Variants in TBC1D22B observed in about 807,000 individuals in gnomAD.
The protein encoded by TBC1D22B is TBC1 domain family member 22B, also known as chromosome 6 open reading frame 197.
A neutral mutation model predicts 69.1 loss-of-function variants in TBC1D22B; 32 were observed. The ratio of observed to expected loss-of-function variants is 0.46; its 90% CI spans 0.35 to 0.62. The LOEUF is 0.62. TBC1D22B is among the 20% of genes least tolerant of loss of function. The pLI is 0.00. For synonymous variants in TBC1D22B, 206 were observed against 229.8 expected, an observed-to-expected ratio of 0.90 and a Z score of 0.94; for missense variants, 462 against 630.9, an observed-to-expected ratio of 0.73 and a Z score of 2.87.
chr6:37,268,771 C>T (rs745419203), intron 1 of TBC1D22B, among the ~76,000 whole-genome samples: 1 of 152,130 alleles, frequency 6.6e-6, no homozygotes, highest in Non-Finnish European at 1.5e-5. Flanking sequence ...TTTTTGAAGT[C>T]TATATAAGTC....
intron 12 of TBC1D22B, among the ~76,000 whole-genome samples, chr6:37,321,036 G>A (rs932592592): frequency 4.6e-5 from 7 of 152,156 alleles, no homozygotes; most frequent in Non-Finnish European, 7.3e-5. Context: ...TTGAATATTG[G>A]CAATTTCGTG....
chr6:37,322,376 G>T lies in TBC1D22B; in HGVS notation c.1389+5170G>T, dbSNP rs768872529. Among the ~76,000 whole-genome samples, 6 of 152,306 alleles carry T rather than the reference G, an allele frequency of 3.9e-5. No homozygotes were observed. In the East Asian group the frequency reaches 1.2e-3, roughly 29 times the overall value. On this transcript the variant is annotated intron_variant, in intron 12 of 12. Transcript: ENST00000373491. ...AACGTGGTGAAACTCCGTCAGCCAG[G>T]TGTGATGGCACACACCTGTAATCCC... is the stretch of plus-strand genomic sequence containing the variant.
intron 1 of TBC1D22B, among the ~76,000 whole-genome samples, chr6:37,267,558 TATAC>T (rs1258892174): frequency 1.5e-4 from 22 of 145,734 alleles, no homozygotes; most frequent in Admixed American, 3.5e-4. Flanking sequence ...CACATATATA[TATAC>T]ACACACACAT....
chr6:37,284,507 C>A, intron 6 of TBC1D22B, 43 bp downstream of exon 6: 2 of 1,524,870 alleles, frequency 1.3e-6, no homozygotes, highest in Non-Finnish European at 1.8e-6. Context: ...CAGTCATATA[C>A]TTTAGGTATG....
At chr6:37,327,274 C>T (rs570818213) in intron 12 of TBC1D22B, among the ~76,000 whole-genome samples, 7 of 98,910 alleles carry the variant, frequency 7.1e-5, no homozygotes, top group African/African-American at 1.1e-4. Context: ...GTCAGGAGAT[C>T]GAGACCATCC....
intron 6 of TBC1D22B, among the ~76,000 whole-genome samples, chr6:37,286,551 A>G (rs1394248576): frequency 1.3e-5 from 2 of 151,630 alleles, no homozygotes; most frequent in South Asian, 2.1e-4. Context: ...TCCTGACCTC[A>G]TGATCCGCCC....
In TBC1D22B at chr6:37,327,409, C is replaced by T. The variant is rs374164343; in HGVS notation, c.1390-3635C>T. Among the ~76,000 whole-genome samples the T allele has an allele frequency of 1.7e-3, 128 of 77,072 alleles. 3 individuals carry two copies. The East Asian group carries it at 0.034, about 20-fold the overall frequency. 50.6% of individuals were successfully genotyped at this position (77,072 alleles called of 152,430 possible). On this transcript the variant is annotated intron_variant, in intron 12 of 12. Transcript: ENST00000373491. ...AGGAGAATGGCGTGAACCCGGGAGG[C>T]GGAGCTTGCAGTGAGCCGAGATCGT...
chr6:37,258,414 A>G (rs1426982785), intron 1 of TBC1D22B, among the ~76,000 whole-genome samples: 1 of 152,128 alleles, frequency 6.6e-6, no homozygotes, highest in Non-Finnish European at 1.5e-5. Flanking sequence ...ACTTACCCGA[A>G]GGATTCCGGT....
At chr6:37,322,882 G>T (rs533019876) in intron 12 of TBC1D22B, among the ~76,000 whole-genome samples, 1 of 152,324 alleles carries the variant, frequency 6.6e-6, no homozygotes, top group South Asian at 2.1e-4. Context: ...CACTGCACGT[G>T]TAGACGAGCA....
intron 7 of TBC1D22B, 26 bp from the exon 8 acceptor site, chr6:37,291,217 C>T (rs755170568): frequency 1.1e-5 from 16 of 1,500,674 alleles, no homozygotes; most frequent in South Asian, 1.0e-4. Context: ...ATTTAACACT[C>T]GTGTCTTTCT....
intron 8 of TBC1D22B, among the ~76,000 whole-genome samples, chr6:37,312,604 A>G (rs1767948995): frequency 6.6e-6 from 1 of 152,234 alleles, no homozygotes; most frequent in Admixed American, 6.5e-5. Flanking sequence ...ATTGAACATG[A>G]GACCTGAAGT....
At chr6:37,321,923 C>A (rs1006839139) in intron 12 of TBC1D22B, among the ~76,000 whole-genome samples, 1 of 152,148 alleles carries the variant, frequency 6.6e-6, no homozygotes, top group African/African-American at 2.4e-5. Context: ...AAGTCATCAA[C>A]CTGCATGCTT....
chr6:37,281,948 G>A (rs1301230222), intron 3 of TBC1D22B, among the ~76,000 whole-genome samples: 1 of 152,202 alleles, frequency 6.6e-6, no homozygotes, highest in Non-Finnish European at 1.5e-5. Context: ...TGGCGTCTCT[G>A]TTACCACCTA....
intron 1 of TBC1D22B, among the ~76,000 whole-genome samples, chr6:37,267,976 GA>G (rs1426364968): frequency 6.6e-6 from 1 of 152,004 alleles, no homozygotes; most frequent in African/African-American, 2.4e-5. Flanking sequence ...ATATTACTTT[GA>G]TGTTCTCTTT....
intron 7 of TBC1D22B, among the ~76,000 whole-genome samples, chr6:37,288,993 G>C (rs1390983299): frequency 6.6e-6 from 1 of 151,966 alleles, no homozygotes; most frequent in South Asian, 2.1e-4. Flanking sequence ...GGCTCAAGCA[G>C]TCCTCCTGCC....
At chr6:37,327,036 C>G (rs768049354) in intron 12 of TBC1D22B, among the ~76,000 whole-genome samples, 35 of 152,050 alleles carry the variant, frequency 2.3e-4, no homozygotes, top group Non-Finnish European at 4.3e-4. Flanking sequence ...AGAGGCAACA[C>G]CTTTTCCAGT....
At chr6:37,286,742 G>A (rs1359993283) in intron 6 of TBC1D22B, among the ~76,000 whole-genome samples, 2 of 151,822 alleles carry the variant, frequency 1.3e-5, no homozygotes, top group African/African-American at 2.4e-5. Flanking sequence ...TCAAGAGTTC[G>A]AGATCAGCCT....
intron 1 of TBC1D22B, among the ~76,000 whole-genome samples, chr6:37,263,864 G>A (rs1283149485): frequency 6.6e-6 from 1 of 152,168 alleles, no homozygotes; most frequent in Non-Finnish European, 1.5e-5. Context: ...GATTACAGGC[G>A]TGAGCCACTA....
In TBC1D22B at chr6:37,258,150, G is replaced by C. The variant is rs559641980; in HGVS notation, c.56+177G>C. 24 of 700,244 alleles carry C rather than the reference G, an allele frequency of 3.4e-5. No homozygotes were observed. The East Asian group carries it at 7.3e-4, about 21-fold the overall frequency. The allele number at this position is 700,244 out of a possible 1,614,324, so 43.4% of individuals were successfully genotyped here. On this transcript the variant is annotated intron_variant, in intron 1 of 12. Transcript: ENST00000373491. ...AGCGAAGCGAACAGCGAGCTTTGGG[G>C]ACGGCTGGATGTGGGTGTAGACCGG...
Sources: gnomAD v4.1 joint callset for allele counts (sites outside exome capture counted in the v4.1 genomes callset) on GRCh38, gnomAD v4.1.1 for gene constraint, MANE v1.5 for transcripts, NCBI Gene and HGNC (gene_info 2026-07-23, HGNC 2026-07-21) for gene names.